KCNMA1: variants seen among roughly 807,000 people sequenced by gnomAD.
The protein encoded by KCNMA1 is Calcium-activated potassium channel subunit alpha-1.
KCNMA1 carries 29 observed loss-of-function variants against 140.0 expected under a neutral mutation model. That is an observed-to-expected ratio of 0.21 (90% CI 0.15 to 0.28). The LOEUF is 0.28. Among genes scored for constraint, KCNMA1 ranks in the 10% least tolerant of loss-of-function variants. KCNMA1 has a pLI of 1.00. For synonymous variants in KCNMA1, 612 were observed against 611.9 expected, an observed-to-expected ratio of 1.00 and a Z score of 0.00; for missense variants, 880 against 1,602.2, an observed-to-expected ratio of 0.55 and a Z score of 7.70.
chr10:77,425,697 G>T lies in KCNMA1; in HGVS notation c.379-21674C>A, dbSNP rs185682898. Among the ~76,000 whole-genome samples, 3 of 152,300 alleles carry T rather than the reference G, an allele frequency of 2.0e-5. No individual in the cohort carries two copies. The East Asian group carries it at 5.8e-4, about 29-fold the overall frequency. On this transcript the variant is annotated intron_variant, in intron 1 of 27. Transcript: ENST00000286628. ...GGGCTGTGATACTCAGCTCCCCAAG[G>T]CTGAACTGGATGACTAAGAGTCCTA...
intron 3 of KCNMA1, among the ~76,000 whole-genome samples, chr10:77,196,417 G>A (rs2040501868): frequency 6.6e-6 from 1 of 152,114 alleles, no homozygotes; most frequent in Non-Finnish European, 1.5e-5. Context: ...CAACGTGCTG[G>A]GCAGGATCGC....
intron 1 of KCNMA1, among the ~76,000 whole-genome samples, chr10:77,413,367 C>G (rs895704619): frequency 3.9e-5 from 6 of 152,104 alleles, no homozygotes; most frequent in Admixed American, 3.3e-4. Context: ...CGTGTCCCCC[C>G]TCCCATGCCA....
At chr10:76,964,349 T>C (rs2073009179) in intron 20 of KCNMA1, among the ~76,000 whole-genome samples, 1 of 152,116 alleles carries the variant, frequency 6.6e-6, no homozygotes. Flanking sequence ...AATGGTTGCC[T>C]TTATGTTTGG....
downstream of KCNMA1, among the ~76,000 whole-genome samples, chr10:76,880,892 G>A (rs1385497950): frequency 6.6e-6 from 1 of 152,208 alleles, no homozygotes; most frequent in Non-Finnish European, 1.5e-5. Flanking sequence ...AATTGATCGG[G>A]GTGGGAGGGC....
chr10:77,523,857 G>A (rs184405948), intron 1 of KCNMA1, among the ~76,000 whole-genome samples: 2 of 152,150 alleles, frequency 1.3e-5, no homozygotes, highest in East Asian at 3.9e-4. Context: ...AAAATAGAAA[G>A]AATGAATAAC....
chr10:76,993,612 T>C (rs906039768), intron 19 of KCNMA1, among the ~76,000 whole-genome samples: 1 of 152,194 alleles, frequency 6.6e-6, no homozygotes, highest in Non-Finnish European at 1.5e-5. Flanking sequence ...CAGGCTCCCC[T>C]CTGTTTGTCT....
At position 76,934,842 on chromosome 10, in the gene KCNMA1, C is replaced by T. The variant is rs142381251; in HGVS notation, c.2902+9931G>A. Among the ~76,000 whole-genome samples, 96 of 152,292 alleles carry T rather than the reference C, an allele frequency of 6.3e-4. 1 individual carries two copies. The East Asian group carries it at 0.015, about 23-fold the overall frequency. On this transcript the variant is annotated intron_variant, in intron 23 of 27. Transcript: ENST00000286628. Reference sequence around the variant, plus strand: ...ATTTTCTGAGCCTAGGCTTTGGGCGCTACAGTGGTCTCTTCATTCTCATCT... The same window carrying T: ...ATTTTCTGAGCCTAGGCTTTGGGCGTTACAGTGGTCTCTTCATTCTCATCT...
intron 23 of KCNMA1, among the ~76,000 whole-genome samples, chr10:76,920,018 GTGTA>G (rs1185282006): frequency 0.022 from 948 of 43,444 alleles, 13 homozygotes; most frequent in African/African-American, 0.081. Context: ...GTGTGTGTGT[GTGTA>G]TATATATATA....
chr10:76,890,226 T>A (rs1280906782), intron 26 of KCNMA1, among the ~76,000 whole-genome samples: 1 of 152,216 alleles, frequency 6.6e-6, no homozygotes, highest in African/African-American at 2.4e-5. Flanking sequence ...TGGGGCCTGA[T>A]GCAGAAAGTG....
At chr10:77,603,325 T>C (rs536957740) in intron 1 of KCNMA1, among the ~76,000 whole-genome samples, 22 of 150,236 alleles carry the variant, frequency 1.5e-4, no homozygotes, top group African/African-American at 5.4e-4. Context: ...CCCTCAGCCA[T>C]GGATTTCTGC....
At chr10:77,296,431 T>C (rs1304389534) in intron 2 of KCNMA1, among the ~76,000 whole-genome samples, 2 of 152,096 alleles carry the variant, frequency 1.3e-5, no homozygotes, top group Non-Finnish European at 2.9e-5. Context: ...AGACAATAAA[T>C]TTATATTGTT....
intron 1 of KCNMA1, among the ~76,000 whole-genome samples, chr10:77,572,755 C>CAA (rs113888169): frequency 5.6e-4 from 67 of 120,200 alleles, no homozygotes; most frequent in Middle Eastern, 4.3e-3. Context: ...GATCTTGTCT[C>CAA]AAAAAAAAAA....
chr10:77,621,860 T>C (rs1016494516), intron 1 of KCNMA1, among the ~76,000 whole-genome samples: 8 of 152,110 alleles, frequency 5.3e-5, no homozygotes, highest in African/African-American at 1.9e-4. Context: ...GGGAGATTGC[T>C]TGAGCCCAGG....
chr10:77,219,812 T>C (rs2048997915), intron 3 of KCNMA1, among the ~76,000 whole-genome samples: 1 of 152,142 alleles, frequency 6.6e-6, no homozygotes, highest in Non-Finnish European at 1.5e-5. Context: ...TCTTAATCCA[T>C]ATAGGAACTG....
chr10:77,117,601 A>C (rs1319444241), intron 6 of KCNMA1, among the ~76,000 whole-genome samples: 1 of 151,978 alleles, frequency 6.6e-6, no homozygotes, highest in Non-Finnish European at 1.5e-5. Flanking sequence ...AGGAAACAAT[A>C]AGGAAATTCC....
chr10:77,577,822 A>G (rs191146932), intron 1 of KCNMA1, among the ~76,000 whole-genome samples: 1 of 152,278 alleles, frequency 6.6e-6, no homozygotes, highest in African/African-American at 2.4e-5. Flanking sequence ...CACAGTTCAC[A>G]TTGGCTTTGG....
chr10:77,324,471 T>C (rs607769), intron 2 of KCNMA1, among the ~76,000 whole-genome samples: 128,669 of 152,214 alleles, frequency 0.85, 54,610 homozygotes, highest in African/African-American at 0.91. Flanking sequence ...CCACCCAGCT[T>C]ACTATACCAC....
At chr10:77,172,383 A>T (rs976310356) in intron 5 of KCNMA1, among the ~76,000 whole-genome samples, 1 of 152,180 alleles carries the variant, frequency 6.6e-6, no homozygotes, top group African/African-American at 2.4e-5. Flanking sequence ...GAGGATTTAG[A>T]ATCTCTACTT....
chr10:77,458,481 G>A (rs931252564), intron 1 of KCNMA1, among the ~76,000 whole-genome samples: 3 of 152,166 alleles, frequency 2.0e-5, no homozygotes, highest in Non-Finnish European at 2.9e-5. Context: ...GAACAAACAC[G>A]AATCTCAACT....
Sources: allele counts gnomAD v4.1 joint callset (sites outside exome capture counted in the v4.1 genomes callset), GRCh38; gene constraint gnomAD v4.1.1; transcripts MANE v1.5; gene names NCBI Gene and HGNC (gene_info 2026-07-23, HGNC 2026-07-21).